The following GRIP1 variants were observed in gnomAD, a reference collection of about 807,000 sequenced individuals.
GRIP1 encodes the protein glutamate receptor interacting protein 1, also known as glutamate receptor-interacting protein 1.
Under a neutral mutation model 129.9 loss-of-function variants are expected in GRIP1, and 45 were observed. The ratio of observed to expected loss-of-function variants is 0.35; its 90% CI spans 0.27 to 0.44. GRIP1 has a LOEUF of 0.44. GRIP1 is among the 20% of genes least tolerant of loss of function. The pLI, the probability that GRIP1 is intolerant of heterozygous loss-of-function variation, is 1.00. For synonymous variants in GRIP1, 530 were observed against 520.8 expected (o/e 1.02, Z -0.24); for missense variants, 1,196 against 1,396.8 (o/e 0.86, Z 2.29).
At chr12:66,824,806 AG>A (rs2039380418) in intron 1 of GRIP1, among the ~76,000 whole-genome samples, 1 of 152,174 alleles carries the variant, frequency 6.6e-6, no homozygotes, top group Non-Finnish European at 1.5e-5. Context: ...TTTTTTTAAG[AG>A]GGGGCATAAT....
intron 1 of GRIP1, among the ~76,000 whole-genome samples, chr12:66,700,343 C>T (rs2035306741): frequency 6.6e-6 from 1 of 151,056 alleles, no homozygotes; most frequent in South Asian, 2.1e-4. Flanking sequence ...GGGAGGTAGG[C>T]AGGAAAGGGA....
At chr12:66,468,669 C>T (rs1036112734) in intron 7 of GRIP1, among the ~76,000 whole-genome samples, 25 of 97,528 alleles carry the variant, frequency 2.6e-4, no homozygotes, top group African/African-American at 1.1e-3. Flanking sequence ...AAATATAAAC[C>T]CTTAAGTTAG....
intron 1 of GRIP1, among the ~76,000 whole-genome samples, chr12:66,952,185 G>C (rs1261614422): frequency 3.3e-5 from 5 of 152,094 alleles, no homozygotes; most frequent in African/African-American, 1.2e-4. Flanking sequence ...CAGATGAACA[G>C]CTGAGCAGAG....
intron 14 of GRIP1, among the ~76,000 whole-genome samples, chr12:66,427,714 T>G (rs1293247196): frequency 6.6e-6 from 1 of 152,170 alleles, no homozygotes; most frequent in African/African-American, 2.4e-5. Context: ...AGAACTGAAC[T>G]CTACCATTTT....
chr12:66,766,970 A>C (rs1446315695), intron 1 of GRIP1, among the ~76,000 whole-genome samples: 1 of 152,182 alleles, frequency 6.6e-6, no homozygotes, highest in Non-Finnish European at 1.5e-5. Flanking sequence ...TTTCCACTGG[A>C]ATTTTCTACC....
intron 1 of GRIP1, among the ~76,000 whole-genome samples, chr12:67,017,357 C>G (rs796851595): frequency 1.3e-4 from 20 of 151,618 alleles, no homozygotes; most frequent in African/African-American, 4.6e-4. Flanking sequence ...AATTATATAA[C>G]CAGCCTTTTC....
chr12:66,757,149 G>A (rs7298514), intron 1 of GRIP1, among the ~76,000 whole-genome samples: 36 of 151,784 alleles, frequency 2.4e-4, no homozygotes, highest in South Asian at 2.1e-3. Context: ...TATTGTTGAC[G>A]GTTGTCACCC....
chr12:66,440,800 C>T (rs1020613615), intron 13 of GRIP1, among the ~76,000 whole-genome samples: 1 of 152,182 alleles, frequency 6.6e-6, no homozygotes, highest in Admixed American at 6.5e-5. Context: ...GTTGTCTCTT[C>T]TTCTTTCTCT....
At chr12:67,050,437 A>G (rs1251676172) in intron 1 of GRIP1, among the ~76,000 whole-genome samples, 1 of 152,212 alleles carries the variant, frequency 6.6e-6, no homozygotes, top group Non-Finnish European at 1.5e-5. Flanking sequence ...CCATATTCAC[A>G]TTTGTGTTTC....
intron 1 of GRIP1, among the ~76,000 whole-genome samples, chr12:66,611,904 TAA>T (rs1182407601): frequency 1.3e-5 from 2 of 152,164 alleles, no homozygotes; most frequent in East Asian, 3.9e-4. Context: ...AGTTTGAACA[TAA>T]GAATGAGAGT....
upstream of GRIP1, among the ~76,000 whole-genome samples, chr12:66,681,637 C>G (rs1341548478): frequency 6.6e-6 from 1 of 152,108 alleles, no homozygotes; most frequent in African/African-American, 2.4e-5. Context: ...TTACAACATG[C>G]TCTGTGAGGG....
intron 1 of GRIP1, among the ~76,000 whole-genome samples, chr12:66,920,372 T>C (rs1474416257): frequency 6.6e-6 from 1 of 152,132 alleles, no homozygotes; most frequent in East Asian, 1.9e-4. Context: ...CCCCTGGTCC[T>C]TGCCATCAAC....
At chr12:66,914,098 T>C (rs923491621) in intron 1 of GRIP1, among the ~76,000 whole-genome samples, 1 of 152,204 alleles carries the variant, frequency 6.6e-6, no homozygotes, top group East Asian at 1.9e-4. Flanking sequence ...AAGGACACTA[T>C]GAGAAATAAG....
intron 1 of GRIP1, among the ~76,000 whole-genome samples, chr12:66,741,527 T>C (rs1005301859): frequency 2.6e-5 from 4 of 152,232 alleles, no homozygotes; most frequent in African/African-American, 7.2e-5. Context: ...CCAGTAGAAA[T>C]ATTATGTGTG....
intron 1 of GRIP1, among the ~76,000 whole-genome samples, chr12:67,011,841 T>C (rs1218960814): frequency 6.6e-6 from 1 of 152,204 alleles, no homozygotes; most frequent in Non-Finnish European, 1.5e-5. Flanking sequence ...GTAAATATTT[T>C]AGGCTTTAAG....
intron 7 of GRIP1, among the ~76,000 whole-genome samples, chr12:66,511,615 A>T (rs537671930): frequency 6.6e-6 from 1 of 152,214 alleles, no homozygotes; most frequent in South Asian, 2.1e-4. Flanking sequence ...AGTGATCAGC[A>T]TTTGCCCCAA....
intron 15 of GRIP1, among the ~76,000 whole-genome samples, chr12:66,419,316 T>C (rs1022001223): frequency 4.0e-5 from 6 of 150,764 alleles, no homozygotes; most frequent in African/African-American, 2.4e-5. Flanking sequence ...AGTGGGGGGG[T>C]CAGCGTGGGG....
intron 1 of GRIP1, among the ~76,000 whole-genome samples, chr12:66,613,165 T>C (rs1307756730): frequency 1.3e-5 from 2 of 152,118 alleles, no homozygotes; most frequent in African/African-American, 2.4e-5. Context: ...ACCAGACACA[T>C]CAGGTGGGCA....
At chr12:66,985,372 GT>G (rs1283901515) in intron 1 of GRIP1, among the ~76,000 whole-genome samples, 5 of 152,008 alleles carry the variant, frequency 3.3e-5, no homozygotes, top group African/African-American at 1.2e-4. Flanking sequence ...AATTAAAGCT[GT>G]TCAAAATCTA....
Sources: allele counts gnomAD v4.1 joint callset (sites outside exome capture counted in the v4.1 genomes callset), GRCh38; gene constraint gnomAD v4.1.1; transcripts MANE v1.5; gene names NCBI Gene and HGNC (gene_info 2026-07-23, HGNC 2026-07-21).